PARM1: variants seen among roughly 807,000 people sequenced by gnomAD.
PARM1 encodes the protein prostate androgen-regulated mucin-like protein 1.
In PARM1, 14 loss-of-function variants were observed where a neutral mutation model predicts 24.6. That is an observed-to-expected ratio of 0.57 (90% CI 0.38 to 0.89). PARM1 has a LOEUF of 0.89. PARM1 is among the 40% of genes least tolerant of loss of function. PARM1 has a pLI of 0.00. For missense variants in PARM1, 362 were observed against 380.4 expected (o/e 0.95, Z 0.40); for synonymous variants, 179 against 156.6 (o/e 1.14, Z -1.07).
At chr4:74,951,224 C>T (rs147861803) in intron 1 of PARM1, among the ~76,000 whole-genome samples, 1 of 152,336 alleles carries the variant, frequency 6.6e-6, no homozygotes, top group East Asian at 1.9e-4. Flanking sequence ...GGCACCATTT[C>T]ACTTCTCCTC....
chr4:75,015,502 C>A (rs375319435), intron 2 of PARM1, among the ~76,000 whole-genome samples: 94 of 152,216 alleles, frequency 6.2e-4, no homozygotes, highest in African/African-American at 2.1e-3. Flanking sequence ...CCTACTAAAT[C>A]AAAAAATATT....
intron 1 of PARM1, among the ~76,000 whole-genome samples, chr4:75,004,259 C>T (rs1337751945): frequency 2.6e-5 from 4 of 152,186 alleles, no homozygotes; most frequent in African/African-American, 9.7e-5. Flanking sequence ...TTTCTCTGTG[C>T]CAGGCACTAA....
At chr4:74,951,382 A>G (rs968726579) in intron 1 of PARM1, among the ~76,000 whole-genome samples, 6 of 152,312 alleles carry the variant, frequency 3.9e-5, no homozygotes, top group Admixed American at 2.6e-4. Flanking sequence ...GCTCATTGCA[A>G]TGTAGAAATG....
intron 1 of PARM1, among the ~76,000 whole-genome samples, chr4:74,981,066 A>C (rs1722244795): frequency 6.6e-6 from 1 of 152,244 alleles, no homozygotes; most frequent in South Asian, 2.1e-4. Context: ...AGATTTCCTT[A>C]TGAAAATGTC....
intron 1 of PARM1, among the ~76,000 whole-genome samples, chr4:74,979,387 T>TA (rs1722203209): frequency 6.6e-6 from 1 of 152,034 alleles, no homozygotes; most frequent in Non-Finnish European, 1.5e-5. Context: ...CCTGGACACA[T>TA]ACACCCTCCC....
At chr4:74,985,036 A>G (rs2109774901) in intron 1 of PARM1, among the ~76,000 whole-genome samples, 1 of 152,310 alleles carries the variant, frequency 6.6e-6, no homozygotes, top group South Asian at 2.1e-4. Context: ...TAGATTCCAA[A>G]AGTAGACAAT....
At chr4:75,043,592 A>T (rs1485726035) in intron 3 of PARM1, among the ~76,000 whole-genome samples, 2 of 152,244 alleles carry the variant, frequency 1.3e-5, no homozygotes, top group Admixed American at 1.3e-4. Flanking sequence ...CTATCAATAA[A>T]GGAGCATGTT....
chr4:75,015,084 C>A (rs1560792832), intron 2 of PARM1, among the ~76,000 whole-genome samples: 1 of 152,224 alleles, frequency 6.6e-6, no homozygotes, highest in Non-Finnish European at 1.5e-5. Flanking sequence ...GCCACTCTCT[C>A]TTCACTTTCT....
chr4:75,033,908 A>G lies in PARM1; in HGVS notation c.795A>G (p.Thr265=). ...GCAGCATCGCCGCCATTACCGTGAC[A>G]GTCATTGCCGTGGTGCTGCTGGTGT... ...SSGSIAAITV[T]VIAVVLLVFG... is the part of the protein sequence containing the mutation. Residue 265 remains threonine, a synonymous_variant, in exon 3 of 4, where the codon ACA becomes ACG. Transcript: ENST00000307428. The G allele has an allele frequency of 2.5e-6, 4 of 1,604,816 alleles. No homozygotes were observed. The highest frequency in any genetic ancestry group is 3.4e-6 in the Non-Finnish European group (4 of 1,175,638).
intron 1 of PARM1, among the ~76,000 whole-genome samples, chr4:74,947,561 G>A (rs1191454296): frequency 1.3e-5 from 2 of 151,938 alleles, no homozygotes; most frequent in Non-Finnish European, 2.9e-5. Context: ...ATGACATTAA[G>A]GTATTGTTAA....
chr4:75,007,254 G>A (rs1478043499), intron 1 of PARM1, among the ~76,000 whole-genome samples: 2 of 152,208 alleles, frequency 1.3e-5, no homozygotes, highest in Non-Finnish European at 2.9e-5. Flanking sequence ...TGGAGAAATA[G>A]GAACACTTTT....
chr4:75,011,595 G>A (rs1722871876), intron 1 of PARM1, among the ~76,000 whole-genome samples: 1 of 152,180 alleles, frequency 6.6e-6, no homozygotes, highest in Non-Finnish European at 1.5e-5. Flanking sequence ...CATTGAATGA[G>A]TCAATGAATG....
intron 2 of PARM1, among the ~76,000 whole-genome samples, chr4:75,020,454 A>G (rs1030655908): frequency 1.3e-5 from 2 of 151,580 alleles, no homozygotes; most frequent in Non-Finnish European, 2.9e-5. Context: ...CAGAGCTCCC[A>G]TAATCCCACC....
chr4:74,962,614 A>G (rs1721800580), intron 1 of PARM1, among the ~76,000 whole-genome samples: 1 of 152,234 alleles, frequency 6.6e-6, no homozygotes, highest in African/African-American at 2.4e-5. Flanking sequence ...GGAAAAAAGT[A>G]TGCCATGCAA....
intron 3 of PARM1, among the ~76,000 whole-genome samples, chr4:75,035,479 G>A (rs1170895895): frequency 6.6e-6 from 1 of 152,068 alleles, no homozygotes; most frequent in Non-Finnish European, 1.5e-5. Flanking sequence ...TTCCTCAAGA[G>A]GCTGTGCCAC....
rs533605688 is a variant in PARM1 at position 75,018,945 on chromosome 4, G to A, written c.769+5795G>A. Among the ~76,000 whole-genome samples the A allele has an allele frequency of 3.3e-5, 5 of 152,308 alleles. No homozygotes were observed. In the South Asian group the frequency reaches 6.2e-4, roughly 19 times the overall value. On this transcript the variant is annotated intron_variant, in intron 2 of 3. Coordinates refer to ENST00000307428, the MANE Select transcript of PARM1 (RefSeq NM_015393.4). ...GACACAGAGTTGGGGAAGAACTGAT[G>A]GGCTTCAGCATTACTGTAGAAATGA... is the stretch of plus-strand genomic sequence containing the variant.
chr4:74,938,201 A>G (rs1721232331), intron 1 of PARM1, among the ~76,000 whole-genome samples: 1 of 152,208 alleles, frequency 6.6e-6, no homozygotes, highest in African/African-American at 2.4e-5. Flanking sequence ...TGAGAAAAAT[A>G]TTGGTCAAAT....
At chr4:74,969,568 T>C (rs558501899) in intron 1 of PARM1, 6 of 152,236 alleles carry the variant, frequency 3.9e-5, no homozygotes, top group Non-Finnish European at 7.3e-5. Context: ...AAAGGGCCCA[T>C]CTTGCTGTGA....
chr4:74,951,026 C>T (rs1371775947), intron 1 of PARM1, among the ~76,000 whole-genome samples: 1 of 152,230 alleles, frequency 6.6e-6, no homozygotes, highest in Non-Finnish European at 1.5e-5. Context: ...TTGAAACCAA[C>T]AGTCTAAATT....
Sources: allele counts gnomAD v4.1 joint callset (sites outside exome capture counted in the v4.1 genomes callset), GRCh38; gene constraint gnomAD v4.1.1; transcripts MANE v1.5; gene names NCBI Gene and HGNC (gene_info 2026-07-23, HGNC 2026-07-21).